CTNNA2: variants seen among roughly 807,000 people sequenced by gnomAD.
CTNNA2 encodes the protein catenin alpha-2.
A neutral mutation model predicts 101.0 loss-of-function variants in CTNNA2; 42 were observed. The ratio of observed to expected loss-of-function variants is 0.42; its 90% confidence interval spans 0.32 to 0.54. The LOEUF (loss-of-function observed/expected upper bound fraction) is 0.54. Ranked by LOEUF, CTNNA2 falls within the 20% of genes least tolerant of loss-of-function variation. CTNNA2 has a pLI of 0.14. For missense variants in CTNNA2, 871 were observed against 1,223.1 expected (o/e 0.71, Z 4.29); for synonymous variants, 450 against 456.4 (o/e 0.99, Z 0.18).
chr2:79,587,537 G>T (rs917303360), intron 1 of CTNNA2, among the ~76,000 whole-genome samples: 19 of 151,618 alleles, frequency 1.3e-4, no homozygotes, highest in Admixed American at 1.2e-3. Flanking sequence ...CACTTCTCTC[G>T]CTCTTTTCCT....
At chr2:80,396,773 G>T (rs1413210562) in intron 8 of CTNNA2, among the ~76,000 whole-genome samples, 1 of 152,136 alleles carries the variant, frequency 6.6e-6, no homozygotes, top group African/African-American at 2.4e-5. Flanking sequence ...ACATTGCAAT[G>T]TTGCTAAACT....
At chr2:79,419,039 G>A (rs1042523364) in intron 4 of CTNNA2, among the ~76,000 whole-genome samples, 4 of 145,690 alleles carry the variant, frequency 2.7e-5, no homozygotes, top group African/African-American at 5.1e-5. Context: ...TTTTGGAGCA[G>A]GAAGGTAAAC....
rs190436702 is a variant in CTNNA2, at chr2:80,063,987, A to G, written c.1056+154190A>G. Among the ~76,000 whole-genome samples, 5 of 152,346 alleles carry G rather than the reference A, an allele frequency of 3.3e-5. No homozygotes were observed. The East Asian group carries it at 9.6e-4, about 29-fold the overall frequency. ...ACACCAGTATATAAACTGAAAATAA[A>G]ATAAAGAGAAAGATGTTCAGATTAT... On this transcript the variant is annotated intron_variant, in intron 7 of 18. Transcript: ENST00000402739.
intron 2 of CTNNA2, among the ~76,000 whole-genome samples, chr2:79,266,392 C>T (rs1053251025): frequency 3.3e-5 from 5 of 152,164 alleles, no homozygotes; most frequent in African/African-American, 1.2e-4. Flanking sequence ...AGTTACCCAC[C>T]GTGGTAATGT....
intron 3 of CTNNA2, among the ~76,000 whole-genome samples, chr2:79,364,403 G>A (rs1677698992): frequency 6.6e-6 from 1 of 152,170 alleles, no homozygotes; most frequent in South Asian, 2.1e-4. Flanking sequence ...TTATACTTAG[G>A]AGATCCACAA....
intron 4 of CTNNA2, among the ~76,000 whole-genome samples, chr2:79,466,127 CT>C (rs1186661989): frequency 2.0e-5 from 3 of 152,316 alleles, no homozygotes; most frequent in Non-Finnish European, 4.4e-5. Context: ...AGGGAATTCC[CT>C]TTCCTAGCCA....
At chr2:80,038,774 A>G (rs1318643969) in intron 7 of CTNNA2, among the ~76,000 whole-genome samples, 1 of 152,164 alleles carries the variant, frequency 6.6e-6, no homozygotes, top group Non-Finnish European at 1.5e-5. Flanking sequence ...TGAACCCAGG[A>G]AGTGGTGGAG....
chr2:80,086,799 C>T (rs1699464771), intron 7 of CTNNA2, among the ~76,000 whole-genome samples: 1 of 151,928 alleles, frequency 6.6e-6, no homozygotes, highest in Non-Finnish European at 1.5e-5. Context: ...GGGTAAATTG[C>T]AAAGCCTTTT....
rs141354434 is a variant in CTNNA2, at chr2:80,221,270, C to T, written c.1057-171941C>T. On this transcript the variant is annotated intron_variant, in intron 7 of 18. Coordinates refer to ENST00000402739, the MANE Select transcript of CTNNA2 (RefSeq NM_001282597.3). ...TAGCTCATTAAGTGTAGGATTACTG[C>T]CCTCTTTCAAGGACTACTACTTTCT... is the stretch of plus-strand genomic sequence containing the variant. Among the ~76,000 whole-genome samples the T allele has an allele frequency of 7.9e-5, 12 of 152,258 alleles. No individual in the cohort carries two copies. The East Asian group carries it at 2.3e-3, about 29-fold the overall frequency.
chr2:79,408,827 G>A (rs1302561901), intron 4 of CTNNA2, among the ~76,000 whole-genome samples: 2 of 151,822 alleles, frequency 1.3e-5, no homozygotes, highest in African/African-American at 4.8e-5. Context: ...TAATGGGATG[G>A]CTGGGTCAAA....
In CTNNA2 at chr2:79,869,944, G is replaced by T; in HGVS notation, c.585+9G>T. 1.2e-6 allele frequency: 2 copies of T among 1,612,786 alleles called. No individual in the cohort carries two copies. Among genetic ancestry groups the T allele is most frequent in the South Asian group, 1.1e-5 (1 of 90,862 alleles). On this transcript the variant is annotated intron_variant, in intron 5 of 18. Transcript: ENST00000402739. ...CAGCAAGAAGACAACAGGTGGGAAAGATTTTAGAAATGCTAGGGGAGAAAA... is the reference window on the plus strand; with the variant it reads ...CAGCAAGAAGACAACAGGTGGGAAATATTTTAGAAATGCTAGGGGAGAAAA...
At chr2:79,758,557 C>CCTAG (rs1672554639) in intron 3 of CTNNA2, among the ~76,000 whole-genome samples, 2 of 152,182 alleles carry the variant, frequency 1.3e-5, no homozygotes, top group Non-Finnish European at 2.9e-5. Flanking sequence ...GGTAACTGAG[C>CCTAG]CTAGTACCCA....
At chr2:79,408,311 AT>A (rs1558659861) in intron 4 of CTNNA2, among the ~76,000 whole-genome samples, 6 of 150,782 alleles carry the variant, frequency 4.0e-5, no homozygotes, top group African/African-American at 1.2e-4. Context: ...TATTATTATT[AT>A]TATTATAATA....
intron 7 of CTNNA2, among the ~76,000 whole-genome samples, chr2:80,003,390 C>T (rs1244119580): frequency 6.6e-6 from 1 of 152,052 alleles, no homozygotes; most frequent in Non-Finnish European, 1.5e-5. Context: ...CAACAGTATC[C>T]CTGGAAGGTA....
intron 7 of CTNNA2, among the ~76,000 whole-genome samples, chr2:79,949,478 TGAG>T (rs1027777966): frequency 1.3e-5 from 2 of 152,124 alleles, no homozygotes; most frequent in African/African-American, 4.8e-5. Context: ...ATTTTAAAAA[TGAG>T]GAGATGCCTG....
At chr2:79,196,331 G>A (rs991418797) in intron 1 of CTNNA2, among the ~76,000 whole-genome samples, 3 of 152,082 alleles carry the variant, frequency 2.0e-5, no homozygotes, top group Non-Finnish European at 2.9e-5. Flanking sequence ...CTCCTGCCAA[G>A]TAGTGATTTT....
chr2:80,094,228 A>C (rs1301817480), intron 7 of CTNNA2, among the ~76,000 whole-genome samples: 1 of 152,144 alleles, frequency 6.6e-6, no homozygotes, highest in Non-Finnish European at 1.5e-5. Flanking sequence ...ACATATGGCT[A>C]GCCAGTTTTC....
At chr2:79,906,427 T>C (rs1409545889) in intron 6 of CTNNA2, among the ~76,000 whole-genome samples, 1 of 152,184 alleles carries the variant, frequency 6.6e-6, no homozygotes, top group East Asian at 1.9e-4. Flanking sequence ...CCCGAGCGGC[T>C]TCTCCCTGCT....
intron 7 of CTNNA2, among the ~76,000 whole-genome samples, chr2:79,956,843 G>GTTTTTTTTTTTTTTTT (rs66471325): frequency 1.2e-4 from 12 of 98,902 alleles, no homozygotes; most frequent in African/African-American, 4.7e-4. Context: ...ATACGTGTGG[G>GTTTTTTTTTTTTTTTT]TTTTTTTTTT....
Sources: allele counts gnomAD v4.1 joint callset (sites outside exome capture counted in the v4.1 genomes callset), GRCh38; gene constraint gnomAD v4.1.1; transcripts MANE v1.5; gene names NCBI Gene and HGNC (gene_info 2026-07-23, HGNC 2026-07-21).